Variants in CLPB observed in about 807,000 individuals in gnomAD.
CLPB encodes mitochondrial disaggregase.
A neutral mutation model predicts 78.4 loss-of-function variants in CLPB; 40 were observed. The observed-to-expected ratio is 0.51, with a 90% CI of 0.40 to 0.66. The LOEUF (loss-of-function observed/expected upper bound fraction) is 0.66, where lower values mean the gene tolerates loss of function less well. Ranked by LOEUF, CLPB falls within the 30% of genes least tolerant of loss-of-function variation. CLPB has a pLI of 0.00. For synonymous variants in CLPB, 333 were observed against 348.0 expected (o/e 0.96, Z 0.48); for missense variants, 780 against 886.9 (o/e 0.88, Z 1.53).
chr11:72,305,913 T>C (rs1384388195), intron 9 of CLPB, among the ~76,000 whole-genome samples: 1 of 152,238 alleles, frequency 6.6e-6, no homozygotes, highest in Non-Finnish European at 1.5e-5. Context: ...TTTCTGACAG[T>C]ATTAAAATTA....
At chr11:72,410,244 C>G (rs1397278127) in intron 2 of CLPB, among the ~76,000 whole-genome samples, 1 of 151,764 alleles carries the variant, frequency 6.6e-6, no homozygotes, top group Non-Finnish European at 1.5e-5. Context: ...AAAAACAAAA[C>G]AAACAAATCC....
At chr11:72,410,377 T>TA (rs1278915604) in intron 2 of CLPB, among the ~76,000 whole-genome samples, 8 of 151,062 alleles carry the variant, frequency 5.3e-5, no homozygotes, top group Non-Finnish European at 7.4e-5. Flanking sequence ...CTGCATCTGT[T>TA]AAAAAAAAAT....
At chr11:72,429,264 A>G (rs1435880488) in intron 2 of CLPB, among the ~76,000 whole-genome samples, 6 of 152,202 alleles carry the variant, frequency 3.9e-5, no homozygotes, top group Admixed American at 3.9e-4. Flanking sequence ...CCCAGCCCAT[A>G]TTTCCAAAAG....
intron 9 of CLPB, among the ~76,000 whole-genome samples, chr11:72,303,294 G>A (rs1256273634): frequency 6.6e-6 from 1 of 152,330 alleles, no homozygotes; most frequent in East Asian, 1.9e-4. Flanking sequence ...TGATGATGGG[G>A]GTGCCAAGAT....
chr11:72,407,990 C>T, intron 2 of CLPB: 1 of 758,402 alleles, frequency 1.3e-6, no homozygotes, highest in Non-Finnish European at 2.2e-6. Context: ...GGCACATCAT[C>T]TGGCTAAGCT....
At chr11:72,331,403 C>CA (rs748381781) in intron 5 of CLPB, among the ~76,000 whole-genome samples, 147 of 114,336 alleles carry the variant, frequency 1.3e-3, no homozygotes, top group Non-Finnish European at 1.3e-3. Context: ...GACTCTGTCT[C>CA]AAAAAAAAAA....
At chr11:72,424,115 T>C (rs1372752747) in intron 2 of CLPB, among the ~76,000 whole-genome samples, 2 of 152,244 alleles carry the variant, frequency 1.3e-5, no homozygotes, top group African/African-American at 2.4e-5. Flanking sequence ...GTGACTAGCT[T>C]TTTTCACTTA....
intron 2 of CLPB, among the ~76,000 whole-genome samples, chr11:72,429,411 G>T (rs1410857875): frequency 6.6e-6 from 1 of 152,104 alleles, no homozygotes; most frequent in Non-Finnish European, 1.5e-5. Context: ...ACACTTTCTT[G>T]TATGTTCAGG....
chr11:72,373,021 A>T (rs750446096), intron 4 of CLPB: 2 of 1,613,076 alleles, frequency 1.2e-6, no homozygotes, highest in Non-Finnish European at 1.7e-6. Context: ...CCATCTGAAG[A>T]CACAGAGATG....
intron 4 of CLPB, among the ~76,000 whole-genome samples, chr11:72,373,548 T>G (rs1307130289): frequency 6.6e-6 from 1 of 152,214 alleles, no homozygotes; most frequent in African/African-American, 2.4e-5. Context: ...CATACTTCTC[T>G]CTACATTTAT....
At chr11:72,336,455 G>A (rs1462850067) in intron 5 of CLPB, among the ~76,000 whole-genome samples, 3 of 152,150 alleles carry the variant, frequency 2.0e-5, no homozygotes, top group Non-Finnish European at 4.4e-5. Flanking sequence ...GTGATCCAGG[G>A]CACTTGCTCT....
intron 5 of CLPB, among the ~76,000 whole-genome samples, chr11:72,335,328 G>A (rs1033861398): frequency 6.6e-6 from 1 of 152,194 alleles, no homozygotes; most frequent in African/African-American, 2.4e-5. Flanking sequence ...GACTCTCCAA[G>A]TGGAAAAATG....
intron 7 of CLPB, among the ~76,000 whole-genome samples, chr11:72,311,955 T>G (rs1232838715): frequency 6.6e-6 from 1 of 152,240 alleles, no homozygotes; most frequent in Non-Finnish European, 1.5e-5. Context: ...CAGCTCTTTT[T>G]GATTCACTCC....
At chr11:72,373,388 A>C (rs1189207110) in intron 4 of CLPB, among the ~76,000 whole-genome samples, 1 of 152,088 alleles carries the variant, frequency 6.6e-6, no homozygotes, top group Admixed American at 6.6e-5. Flanking sequence ...CCACTAATTT[A>C]TTACCTCCTC....
intron 3 of CLPB, among the ~76,000 whole-genome samples, chr11:72,390,198 G>A (rs2135043766): frequency 6.6e-6 from 1 of 152,182 alleles, no homozygotes; most frequent in South Asian, 2.1e-4. Flanking sequence ...AGCACTCCGG[G>A]AGGCTGAGGC....
Position 72,308,575 on chromosome 11 carries a change from C to T in CLPB, c.1018G>A (p.Asp340Asn), listed in dbSNP as rs893057489. ...AGGAAGACCAGAGGGTGTTCTTCAT[C>T]GTACCAGCCATTCTCCTTCCTCCGG... Reference protein sequence around the residue: ...AIRRKENGWYDEEHPLVFLFL... With the variant: ...AIRRKENGWYNEEHPLVFLFL... Residue 340 changes from aspartate to asparagine, a missense_variant, in exon 8 of 16, where the codon GAT (aspartate) becomes AAT (asparagine). Physicochemically the swap from Asp to Asn is conservative, Grantham distance 23. Transcript: ENST00000538039. 3.5e-5 allele frequency: 57 copies of T among 1,614,088 alleles called. No homozygotes were observed. The highest frequency in any genetic ancestry group is 3.3e-4 in the Middle Eastern group (2 of 6,084).
rs75337311 is a variant in CLPB at position 72,421,415 on chromosome 11, G to A, written c.455+8897C>T. Reference sequence around the variant, plus strand: ...TGGTGTCCCTCCACTCATCAGAGCCGTATCACTGGGGGATCAGGGAAGGCT... The same window carrying A: ...TGGTGTCCCTCCACTCATCAGAGCCATATCACTGGGGGATCAGGGAAGGCT... On this transcript the variant is annotated intron_variant, in intron 2 of 15. Coordinates refer to ENST00000538039, the MANE Select transcript of CLPB (RefSeq NM_001258392.3). Among the ~76,000 whole-genome samples, 1,008 of 152,278 alleles carry A rather than the reference G, an allele frequency of 6.6e-3. 11 individuals carry two copies. Among genetic ancestry groups the A allele is most frequent in the African/African-American group, 0.023 (964 of 41,542 alleles).
chr11:72,409,298 T>C (rs1855805241), intron 2 of CLPB, among the ~76,000 whole-genome samples: 1 of 152,024 alleles, frequency 6.6e-6, no homozygotes, highest in Admixed American at 6.6e-5. Context: ...AAGTCCAGAG[T>C]TGAAGCCACG....
intron 2 of CLPB, among the ~76,000 whole-genome samples, chr11:72,406,801 A>G (rs936575613): frequency 8.5e-5 from 13 of 152,194 alleles, no homozygotes; most frequent in Non-Finnish European, 1.8e-4. Context: ...AGACAGAGAG[A>G]GAGGTTCTTG....
Sources: gnomAD v4.1 joint callset for allele counts (sites outside exome capture counted in the v4.1 genomes callset) on GRCh38, gnomAD v4.1.1 for gene constraint, MANE v1.5 for transcripts, NCBI Gene and HGNC (gene_info 2026-07-23, HGNC 2026-07-21) for gene names.